Variants in TFEB observed in about 807,000 individuals in gnomAD.
The protein encoded by TFEB is transcription factor EB, also known as T-cell transcription factor EB.
A neutral mutation model predicts 48.0 loss-of-function variants in TFEB; 12 were observed. The observed-to-expected ratio is 0.25, with a 90% CI of 0.16 to 0.40. The LOEUF (loss-of-function observed/expected upper bound fraction) is 0.40, where lower values mean the gene tolerates loss of function less well. Among genes scored for constraint, TFEB ranks in the 10% least tolerant of loss-of-function variants. The pLI is 1.00. For synonymous variants in TFEB, 244 were observed against 261.4 expected (o/e 0.93, Z 0.64); for missense variants, 509 against 640.3 (o/e 0.79, Z 2.21).
chr6:41,691,387 C>G lies in TFEB; in HGVS notation c.-22-152G>C. 1.2e-6 allele frequency: 1 copy of G among 828,700 alleles called. No individual in the cohort carries two copies. The highest frequency in any genetic ancestry group is 2.2e-4 in the Middle Eastern group (1 of 4,612). 51.3% of individuals were successfully genotyped at this position (828,700 alleles called of 1,614,324 possible). On this transcript the variant is annotated intron_variant, in intron 1 of 8. Transcript: ENST00000373033. This position sits in a 1 kb window ranked among gnomAD's most constrained non-coding sequence, Gnocchi z 5.2. ...AGGGGAAGAGATTTGCCCAAGGTCA[C>G]TGAGCAAGCGGGTGACAGCTGAGAC...
intron 1 of TFEB, among the ~76,000 whole-genome samples, chr6:41,725,023 C>T (rs551846409): frequency 6.6e-6 from 1 of 152,260 alleles, no homozygotes; most frequent in African/African-American, 2.4e-5. Flanking sequence ...ACCATCTCCC[C>T]CATCCTGACA....
intron 1 of TFEB, among the ~76,000 whole-genome samples, chr6:41,705,249 C>T (rs1348518444): frequency 3.9e-5 from 6 of 152,212 alleles, no homozygotes; most frequent in Admixed American, 1.3e-4. Flanking sequence ...CTCCTCCACA[C>T]GGCTCTGCCT....
rs567468165 is a variant in TFEB at position 41,691,861 on chromosome 6, C to A, written c.-22-626G>T. Among the ~76,000 whole-genome samples, 1 of 152,276 alleles carries A rather than the reference C, an allele frequency of 6.6e-6. No homozygotes were observed. The highest frequency in any genetic ancestry group is 1.9e-4 in the East Asian group (1 of 5,178). On this transcript the variant is annotated intron_variant, in intron 1 of 8. Transcript: ENST00000373033. This position sits in a 1 kb window ranked among gnomAD's most constrained non-coding sequence, Gnocchi z 5.2. ...TCGTGTTCCCCTTTGACCCCATCCG[C>A]CAGCTCTCCCTCTTGTTTTATCTGC...
chr6:41,701,670 C>G (rs912018918), intron 1 of TFEB, among the ~76,000 whole-genome samples: 1 of 152,172 alleles, frequency 6.6e-6, no homozygotes, highest in South Asian at 2.1e-4. Context: ...GTAGGCCAGG[C>G]GCAGTGGCTC....
chr6:41,689,863 G>C (rs1269179590), intron 3 of TFEB, 52 bp from the exon 4 acceptor site: 1 of 1,481,764 alleles, frequency 6.7e-7, no homozygotes, highest in Middle Eastern at 1.7e-4. Context: ...GGTGGGCAGG[G>C]GAAAGAGGCA....
At chr6:41,692,094 C>A (rs1769349836) in intron 1 of TFEB, among the ~76,000 whole-genome samples, 1 of 152,204 alleles carries the variant, frequency 6.6e-6, no homozygotes, top group African/African-American at 2.4e-5. Context: ...AAGCCCTCCA[C>A]CACCACTTCC....
At position 41,691,091 on chromosome 6, in the gene TFEB, TTGCTGC is replaced by T; in HGVS notation, c.117_122del (p.Gln43_Gln44del). 3.2e-6 allele frequency: 5 copies of T among 1,577,158 alleles called. No homozygotes were observed. Among genetic ancestry groups the T allele is most frequent in the East Asian group, 2.3e-5 (1 of 42,956 alleles). On this transcript the variant is annotated inframe_deletion, in exon 2 of 9. Transcript: ENST00000373033. The surrounding 1 kb of genome is among the most constrained non-coding windows in gnomAD (Gnocchi z 5.2). ...TGGGCGGCCCTCCGAGCTGCTGCTG[TTGCTGC>T]TGCTGCTGCTGCTGCATGTAATGCA...
Position 41,686,045 on chromosome 6 carries a change from G to A in TFEB, c.951+45C>T, listed in dbSNP as rs764311063. On this transcript the variant is annotated intron_variant, in intron 8 of 8. Transcript: ENST00000373033. ...ACTGCCCCTTAGGGCCAGGAGCCAG[G>A]TTAAGGGTCAGAGTTACCAAAGAAG... is the stretch of plus-strand genomic sequence containing the variant. 8.1e-6 allele frequency: 13 copies of A among 1,612,826 alleles called. No individual in the cohort carries two copies. The South Asian group carries it at 1.3e-4, about 16-fold the overall frequency.
In TFEB at chr6:41,684,866, T is replaced by G. The variant is rs1062966; in HGVS notation, c.1164A>C (p.Pro388=). 9 of 1,570,148 alleles carry G rather than the reference T, an allele frequency of 5.7e-6. No individual in the cohort carries two copies. Among genetic ancestry groups the G allele is most frequent in the Non-Finnish European group, 7.8e-6 (9 of 1,156,204 alleles). Residue 388 remains proline (P), a synonymous_variant, in exon 9 of 9, where the codon CCA becomes CCC. Transcript: ENST00000373033. The part of the protein sequence containing the change: ...QAPLPLPTQP[P]SPFHHLDFSH... Reference sequence around the variant, plus strand: ...TGAAGTCCAGGTGATGGAATGGGGATGGTGGCTGGGTGGGCAGGGGCAGCG... The same window carrying G: ...TGAAGTCCAGGTGATGGAATGGGGAGGGTGGCTGGGTGGGCAGGGGCAGCG...
chr6:41,734,848 C>G lies in TFEB; in HGVS notation c.-23+502G>C, dbSNP rs1481349015. The G allele has an allele frequency of 1.0e-6, 1 of 970,988 alleles. No homozygotes were observed. Among genetic ancestry groups the G allele is most frequent in the Non-Finnish European group, 1.2e-6 (1 of 817,054 alleles). 60.1% of individuals were successfully genotyped at this position (970,988 alleles called of 1,614,324 possible). A position where few individuals can be genotyped will look rare whatever the true frequency, so the allele number is the denominator to read the frequency against. On this transcript the variant is annotated intron_variant, in intron 1 of 8. Transcript: ENST00000373033. The surrounding 1 kb of genome is among the most constrained non-coding windows in gnomAD (Gnocchi z 4.0). ...CGGGGCGTGGCGCCGCTCTGGCCCT[C>G]CCACTCCCCCCGCTGGCCTGGCCAG... is the stretch of plus-strand genomic sequence containing the variant.
At chr6:41,706,431 G>T (rs904795002) in intron 1 of TFEB, among the ~76,000 whole-genome samples, 1 of 152,158 alleles carries the variant, frequency 6.6e-6, no homozygotes, top group African/African-American at 2.4e-5. Context: ...GACAGCACAG[G>T]CAGTGGCCCA....
At position 41,691,825 on chromosome 6, in the gene TFEB, T is replaced by G. The variant is rs1769334057; in HGVS notation, c.-22-590A>C. Among the ~76,000 whole-genome samples the G allele has an allele frequency of 6.6e-6, 1 of 152,148 alleles. No individual in the cohort carries two copies. Among genetic ancestry groups the G allele is most frequent in the Non-Finnish European group, 1.5e-5 (1 of 68,022 alleles). On this transcript the variant is annotated intron_variant, in intron 1 of 8. Coordinates refer to ENST00000373033, the MANE Select transcript of TFEB (RefSeq NM_001271944.2). The surrounding 1 kb of genome is among the most constrained non-coding windows in gnomAD (Gnocchi z 5.2). Reference sequence around the variant, plus strand: ...CCATGACTGGAAAGGCCCCCTAGGATCTGGCCCACCTCGTGTTCCCCTTTG... The same window carrying G: ...CCATGACTGGAAAGGCCCCCTAGGAGCTGGCCCACCTCGTGTTCCCCTTTG...
intron 1 of TFEB, chr6:41,735,022 TC>T: frequency 1.0e-6 from 1 of 984,954 alleles, no homozygotes; most frequent in South Asian, 4.7e-5. Flanking sequence ...CCCCTTCGAC[TC>T]CCAGCTCCGG....
chr6:41,690,357 T>C (rs1769234712), intron 3 of TFEB, among the ~76,000 whole-genome samples: 1 of 152,148 alleles, frequency 6.6e-6, no homozygotes, highest in African/African-American at 2.4e-5. Context: ...CTCAAACTCC[T>C]GACCTCAAGT....
At position 41,731,842 on chromosome 6, in the gene TFEB, C is replaced by G. The variant is rs114540304; in HGVS notation, c.-23+3508G>C. ...AAGGCCATCAGTAAGGATGCCTCCT[C>G]CCTTCCTGGGTGTCTGGGGCTTCCA... On this transcript the variant is annotated intron_variant, in intron 1 of 8. Transcript: ENST00000373033. Among the ~76,000 whole-genome samples the G allele has an allele frequency of 9.1e-3, 1,391 of 152,300 alleles. 18 individuals are homozygous for G. Among genetic ancestry groups the G allele is most frequent in the African/African-American group, 0.032 (1,318 of 41,560 alleles).
rs1444237357 is a variant in TFEB, at chr6:41,691,374, T to A, written c.-22-139A>T. Reference sequence around the variant, plus strand: ...ACCGAGCCCTGAGAGGGGAAGAGATTTGCCCAAGGTCACTGAGCAAGCGGG... The same window carrying A: ...ACCGAGCCCTGAGAGGGGAAGAGATATGCCCAAGGTCACTGAGCAAGCGGG... On this transcript the variant is annotated intron_variant, in intron 1 of 8. Transcript: ENST00000373033. This position sits in a 1 kb window ranked among gnomAD's most constrained non-coding sequence, Gnocchi z 5.2. 8.8e-6 allele frequency: 8 copies of A among 906,160 alleles called. No homozygotes were observed. Among genetic ancestry groups the A allele is most frequent in the Non-Finnish European group, 1.4e-5 (8 of 558,808 alleles). The allele number at this position is 906,160 out of a possible 1,614,324, so 56.1% of individuals were successfully genotyped here.
intron 1 of TFEB, among the ~76,000 whole-genome samples, chr6:41,716,030 T>C (rs1036241323): frequency 1.3e-5 from 2 of 152,212 alleles, no homozygotes; most frequent in Admixed American, 6.5e-5. Flanking sequence ...GGATGTCACA[T>C]ACGGAGCTTC....
chr6:41,714,467 G>A (rs996248785), intron 1 of TFEB, among the ~76,000 whole-genome samples: 6 of 152,216 alleles, frequency 3.9e-5, no homozygotes, highest in Admixed American at 2.6e-4. Flanking sequence ...CAGAGGATGG[G>A]GAAGAGGGAG....
intron 1 of TFEB, among the ~76,000 whole-genome samples, chr6:41,692,594 C>T (rs750025060): frequency 1.3e-5 from 2 of 152,250 alleles, no homozygotes; most frequent in Admixed American, 6.5e-5. Context: ...ATGAGTCCTA[C>T]AGCTTGGCCC....
Sources: gnomAD v4.1 joint callset for allele counts (sites outside exome capture counted in the v4.1 genomes callset) on GRCh38, gnomAD v4.1.1 for gene constraint, Gnocchi (gnomAD v3.1) non-coding constraint, MANE v1.5 for transcripts, NCBI Gene and HGNC (gene_info 2026-07-23, HGNC 2026-07-21) for gene names.